The following KAT7 variants were observed in gnomAD, a reference collection of about 807,000 sequenced individuals.
KAT7 encodes lysine acetyltransferase 7, also known as histone acetyltransferase KAT7.
A neutral mutation model predicts 82.1 loss-of-function variants in KAT7; 10 were observed. The ratio of observed to expected loss-of-function variants is 0.12; its 90% confidence interval spans 0.08 to 0.21. KAT7 has a LOEUF of 0.21. Ranked by LOEUF, KAT7 falls within the 10% of genes least tolerant of loss-of-function variation. The pLI is 1.00. For synonymous variants in KAT7, 250 were observed against 262.5 expected, an observed-to-expected ratio of 0.95 and a Z score of 0.46; for missense variants, 378 against 760.9, an observed-to-expected ratio of 0.50 and a Z score of 5.92.
At position 49,827,382 on chromosome 17, in the gene KAT7, TCCCA is replaced by T. The variant is rs1429856291; in HGVS notation, c.1735-18_1735-15del. On this transcript the variant is annotated splice_polypyrimidine_tract_variant and intron_variant, in intron 14 of 14. Coordinates refer to ENST00000259021, the MANE Select transcript of KAT7 (RefSeq NM_007067.5). ...TGAGTTGAAAGTATGTAATCCTTTT[TCCCA>T]TTGTTCTCCCTCAGGACCTGATTGA... 1.4e-6 allele frequency: 2 copies of T among 1,469,002 alleles called. No homozygotes were observed. Among genetic ancestry groups the T allele is most frequent in the Admixed American group, 1.7e-5 (1 of 59,780 alleles). 91.0% of individuals were successfully genotyped at this position (1,469,002 alleles called of 1,614,324 possible).
In KAT7 at chr17:49,788,813, C is replaced by T. The variant is rs1262484883; in HGVS notation, c.-22C>T. On this transcript the variant is annotated 5_prime_UTR_variant, in exon 1 of 15. Coordinates refer to ENST00000259021, the MANE Select transcript of KAT7 (RefSeq NM_007067.5). ...CTGCCGCCGCTGCCCGAATCGGAAC[C>T]GTCGGGCCGCAGCCGCCGGCAATGC... 3.2e-6 allele frequency: 5 copies of T among 1,580,478 alleles called. No homozygotes were observed. Among genetic ancestry groups the T allele is most frequent in the Non-Finnish European group, 4.3e-6 (5 of 1,163,924 alleles).
At chr17:49,823,171 G>T in intron 11 of KAT7, 31 bp from the exon 12 acceptor site, 1 of 1,224,688 alleles carries the variant, frequency 8.2e-7, no homozygotes, top group South Asian at 1.2e-5. Context: ...AAATCCTCAT[G>T]ACGTGTTCAT....
At chr17:49,809,040 A>G (rs1466504997) in intron 5 of KAT7, 79 bp from the exon 6 acceptor site, 32 of 1,074,142 alleles carry the variant, frequency 3.0e-5, no homozygotes, top group Middle Eastern at 4.0e-4. Context: ...AATCCAAGGC[A>G]TTATCATTGT....
rs2074372312 is a variant in KAT7 at position 49,826,676 on chromosome 17, T to C, written c.1628-17T>C. 2 of 1,585,314 alleles carry C rather than the reference T, an allele frequency of 1.3e-6. No homozygotes were observed. The highest frequency in any genetic ancestry group is 1.7e-6 in the Non-Finnish European group (2 of 1,155,788). On this transcript the variant is annotated splice_polypyrimidine_tract_variant and intron_variant, in intron 13 of 14. Transcript: ENST00000259021. Reference sequence around the variant, plus strand: ...ACCTGCACTTTGGCCAGGTTGTCAGTACTTCTTCTGTTTCAGAAATCAGTC... The same window carrying C: ...ACCTGCACTTTGGCCAGGTTGTCAGCACTTCTTCTGTTTCAGAAATCAGTC...
rs545253642 is a variant in KAT7 at position 49,832,890 on chromosome 17, C to T, written c.*5388C>T. 4 of 152,362 alleles carry T rather than the reference C, an allele frequency of 2.6e-5. No homozygotes were observed. Among genetic ancestry groups the T allele is most frequent in the South Asian group, 4.1e-4 (2 of 4,832 alleles). 9.4% of individuals were successfully genotyped at this position (152,362 alleles called of 1,614,324 possible). ...TTGCTGTTCATTGGGATCATGGAAT[C>T]GGACCTCAGCTGGTTTTGCCTCAGC... On this transcript the variant is annotated 3_prime_UTR_variant, in exon 15 of 15. Transcript: ENST00000259021.
intron 7 of KAT7, among the ~76,000 whole-genome samples, chr17:49,813,446 A>T (rs1255990474): frequency 6.6e-6 from 1 of 151,848 alleles, no homozygotes; most frequent in Non-Finnish European, 1.5e-5. Flanking sequence ...AGCCATTGGG[A>T]TAGATTCTTA....
At chr17:49,812,254 T>G (rs1598074224) in intron 7 of KAT7, among the ~76,000 whole-genome samples, 1 of 150,432 alleles carries the variant, frequency 6.6e-6, no homozygotes, top group African/African-American at 2.4e-5. Context: ...TTTTTTTTTT[T>G]GAGACAGTCG....
At chr17:49,820,589 TA>T (rs879513059) in intron 9 of KAT7, among the ~76,000 whole-genome samples, 8 of 152,138 alleles carry the variant, frequency 5.3e-5, no homozygotes, top group Non-Finnish European at 1.0e-4. Flanking sequence ...TTAAACATTT[TA>T]AAATGTAAAC....
intron 12 of KAT7, chr17:49,824,548 A>T (rs891308518): frequency 6.6e-6 from 1 of 152,084 alleles, no homozygotes; most frequent in Non-Finnish European, 1.5e-5. Context: ...TTTAGTGGAG[A>T]CGGAGTTTCT....
At chr17:49,826,671 G>T (rs770557963) in intron 13 of KAT7, 22 bp from the exon 14 acceptor site, 12 of 1,570,384 alleles carry the variant, frequency 7.6e-6, no homozygotes, top group Non-Finnish European at 1.1e-5. Flanking sequence ...TGGCCAGGTT[G>T]TCAGTACTTC....
At chr17:49,806,777 A>G (rs1438460942) in intron 5 of KAT7, among the ~76,000 whole-genome samples, 1 of 152,240 alleles carries the variant, frequency 6.6e-6, no homozygotes, top group African/African-American at 2.4e-5. Flanking sequence ...CAGTTTGGTG[A>G]AGAAAATTCT....
chr17:49,800,150 T>C (rs1051584844), intron 4 of KAT7, among the ~76,000 whole-genome samples: 5 of 151,914 alleles, frequency 3.3e-5, no homozygotes, highest in Admixed American at 2.0e-4. Context: ...TAGCTGGGAC[T>C]ACAGGCGCCT....
chr17:49,797,009 G>A lies in KAT7; in HGVS notation c.340+83G>A, dbSNP rs1050210346. 42 of 1,091,472 alleles carry A rather than the reference G, an allele frequency of 3.8e-5. No homozygotes were observed. The African/African-American group carries it at 4.7e-4, about 12-fold the overall frequency. 67.6% of individuals were successfully genotyped at this position (1,091,472 alleles called of 1,614,324 possible). On this transcript the variant is annotated intron_variant, in intron 3 of 14. Transcript: ENST00000259021. ...TAAGGAGGGCTTGGGGCCACTGCAGGTAGATGCCTAATACTTCAGCTAGAT... is the reference window on the plus strand; with the variant it reads ...TAAGGAGGGCTTGGGGCCACTGCAGATAGATGCCTAATACTTCAGCTAGAT...
intron 12 of KAT7, 56 bp from the exon 13 acceptor site, chr17:49,825,944 G>A: frequency 6.5e-7 from 1 of 1,539,672 alleles, no homozygotes. Flanking sequence ...ACAGTTTTTT[G>A]CTATTAGGAT....
At chr17:49,797,557 C>T (rs2073972807) in intron 3 of KAT7, among the ~76,000 whole-genome samples, 1 of 152,192 alleles carries the variant, frequency 6.6e-6, no homozygotes, top group Admixed American at 6.5e-5. Context: ...TTTCTTAATG[C>T]AGAGGTCACA....
At chr17:49,810,546 G>A (rs1279190216) in intron 6 of KAT7, among the ~76,000 whole-genome samples, 2 of 152,006 alleles carry the variant, frequency 1.3e-5, no homozygotes, top group Non-Finnish European at 2.9e-5. Flanking sequence ...CATGAGCCAC[G>A]GTGCCCAACC....
intron 4 of KAT7, among the ~76,000 whole-genome samples, chr17:49,804,235 C>T (rs1377369197): frequency 2.6e-5 from 4 of 151,876 alleles, no homozygotes; most frequent in South Asian, 2.1e-4. Context: ...AAAAATTAGC[C>T]GGGCGTGGCG....
chr17:49,813,871 CTT>C (rs1245745231), intron 7 of KAT7, among the ~76,000 whole-genome samples: 23 of 142,576 alleles, frequency 1.6e-4, no homozygotes, highest in Non-Finnish European at 1.5e-4. Context: ...ACTGTATTTC[CTT>C]TTTTTTTTTT....
intron 12 of KAT7, among the ~76,000 whole-genome samples, chr17:49,825,657 T>C (rs2074359786): frequency 6.6e-6 from 1 of 152,248 alleles, no homozygotes; most frequent in East Asian, 1.9e-4. Context: ...GTTCTTAATT[T>C]ATAAGTTAAA....
Sources: allele counts gnomAD v4.1 joint callset (sites outside exome capture counted in the v4.1 genomes callset), GRCh38; gene constraint gnomAD v4.1.1; transcripts MANE v1.5; gene names NCBI Gene and HGNC (gene_info 2026-07-23, HGNC 2026-07-21).